MAN1A1: variants seen among roughly 807,000 people sequenced by gnomAD.
The protein encoded by MAN1A1 is mannosyl-oligosaccharide 1,2-alpha-mannosidase IA.
Under a neutral mutation model 70.8 loss-of-function variants are expected in MAN1A1, and 29 were observed. The ratio of observed to expected loss-of-function variants is 0.41; its 90% CI spans 0.31 to 0.56. The LOEUF is 0.56. Ranked by LOEUF, MAN1A1 falls within the 20% of genes least tolerant of loss-of-function variation. The pLI, the probability that MAN1A1 is intolerant of heterozygous loss-of-function variation, is 0.29. For synonymous variants in MAN1A1, 349 were observed against 330.1 expected (o/e 1.06, Z -0.62); for missense variants, 747 against 841.3 (o/e 0.89, Z 1.39).
At chr6:119,269,483 G>T in intron 5 of MAN1A1, 1 of 173,946 alleles carries the variant, frequency 5.7e-6, no homozygotes, top group South Asian at 1.2e-4. Flanking sequence ...CATGCCTCAA[G>T]CGGTCTGCCA....
intron 11 of MAN1A1, 41 bp downstream of exon 11, chr6:119,188,364 A>G (rs1415483066): frequency 6.5e-7 from 1 of 1,531,760 alleles, no homozygotes; most frequent in African/African-American, 1.4e-5. Context: ...ATTTTTTACT[A>G]TGAAATTTAT....
intron 5 of MAN1A1, among the ~76,000 whole-genome samples, chr6:119,265,470 A>C (rs1775727578): frequency 6.6e-6 from 1 of 152,154 alleles, no homozygotes; most frequent in Non-Finnish European, 1.5e-5. Context: ...ATATTTCTTG[A>C]TGTCTAAACA....
At chr6:119,350,339 G>T (rs1205844683), upstream of MAN1A1, among the ~76,000 whole-genome samples, 3 of 152,214 alleles carry the variant, frequency 2.0e-5, no homozygotes, top group Non-Finnish European at 4.4e-5. Context: ...CAAGTCCCTC[G>T]GTTAGGGGAG....
intron 2 of MAN1A1, among the ~76,000 whole-genome samples, chr6:119,319,211 A>AAATCAT (rs1312598541): frequency 8.6e-5 from 13 of 152,012 alleles, no homozygotes; most frequent in African/African-American, 3.1e-4. Flanking sequence ...TACCACCCTA[A>AAATCAT]AATCATATTT....
intron 2 of MAN1A1, among the ~76,000 whole-genome samples, chr6:119,318,309 A>G (rs1772909579): frequency 6.6e-6 from 1 of 152,104 alleles, no homozygotes; most frequent in African/African-American, 2.4e-5. Context: ...TAGTCTCCCC[A>G]GAGAGAGTCC....
chr6:119,246,016 A>G, intron 6 of MAN1A1, among the ~76,000 whole-genome samples: 1 of 152,206 alleles, frequency 6.6e-6, no homozygotes. Context: ...TCCATGGTAC[A>G]CTAAGGATAG....
intron 5 of MAN1A1, among the ~76,000 whole-genome samples, chr6:119,277,936 CAAA>C (rs58837799): frequency 2.2e-4 from 5 of 23,178 alleles, no homozygotes; most frequent in East Asian, 1.7e-3. Flanking sequence ...GACTCCATCT[CAAA>C]AAAAAAAAAA....
intron 8 of MAN1A1, among the ~76,000 whole-genome samples, chr6:119,195,825 T>A (rs1773555047): frequency 6.6e-6 from 1 of 152,254 alleles, no homozygotes; most frequent in Non-Finnish European, 1.5e-5. Context: ...AGAATTATAG[T>A]TTAAATTTTA....
intron 8 of MAN1A1, among the ~76,000 whole-genome samples, chr6:119,198,294 G>A (rs1208486237): frequency 6.6e-6 from 1 of 152,226 alleles, no homozygotes; most frequent in Non-Finnish European, 1.5e-5. Flanking sequence ...GGAGGCTGAG[G>A]CAGGAGAATT....
chr6:119,305,520 GA>G (rs138448861), intron 3 of MAN1A1, among the ~76,000 whole-genome samples: 17,370 of 152,054 alleles, frequency 0.11, 1,080 homozygotes, highest in Non-Finnish European at 0.14. Context: ...GAAGTGTCTG[GA>G]ATTACTTCTA....
chr6:119,179,642 A>G lies in MAN1A1; in HGVS notation c.*177T>C. The G allele has an allele frequency of 2.2e-6, 1 of 455,652 alleles. No individual in the cohort carries two copies. The highest frequency in any genetic ancestry group is 3.4e-5 in the South Asian group (1 of 29,528). The allele number at this position is 455,652 out of a possible 1,614,324, so 28.2% of individuals were successfully genotyped here. A position where few individuals can be genotyped will look rare whatever the true frequency, so the allele number is the denominator to read the frequency against. On this transcript the variant is annotated 3_prime_UTR_variant, in exon 13 of 13. Coordinates refer to ENST00000368468, the MANE Select transcript of MAN1A1 (RefSeq NM_005907.4). ...ACTGGCTGAATTAATAAAGGATATGATAAGGAATTTAGGTCCACCTATACC... is the reference window on the plus strand; with the variant it reads ...ACTGGCTGAATTAATAAAGGATATGGTAAGGAATTTAGGTCCACCTATACC...
At chr6:119,228,301 G>A (rs904083797) in intron 6 of MAN1A1, among the ~76,000 whole-genome samples, 1 of 152,180 alleles carries the variant, frequency 6.6e-6, no homozygotes, top group African/African-American at 2.4e-5. Flanking sequence ...GGTATTTCAT[G>A]TGTTTATAAT....
chr6:119,345,194 G>C (rs371830655), intron 2 of MAN1A1, among the ~76,000 whole-genome samples: 3,178 of 124,132 alleles, frequency 0.026, 131 homozygotes, highest in African/African-American at 0.091. Flanking sequence ...GAGGTTGAGG[G>C]GGGGGCGGAG....
chr6:119,325,515 G>A (rs544228071), intron 2 of MAN1A1, among the ~76,000 whole-genome samples: 1 of 152,138 alleles, frequency 6.6e-6, no homozygotes, highest in South Asian at 2.1e-4. Flanking sequence ...AAATTAGCCA[G>A]GTGTGGTGGC....
At chr6:119,241,412 A>G (rs1005372066) in intron 6 of MAN1A1, among the ~76,000 whole-genome samples, 1 of 152,168 alleles carries the variant, frequency 6.6e-6, no homozygotes, top group African/African-American at 2.4e-5. Context: ...TTCTTATTAC[A>G]GTGGTTCTCA....
intron 5 of MAN1A1, among the ~76,000 whole-genome samples, chr6:119,268,826 A>G (rs897863835): frequency 6.6e-6 from 1 of 152,060 alleles, no homozygotes; most frequent in Non-Finnish European, 1.5e-5. Flanking sequence ...GACTCAAGCG[A>G]TCTCTTGGCT....
At chr6:119,197,622 T>C in intron 8 of MAN1A1, among the ~76,000 whole-genome samples, 1 of 152,094 alleles carries the variant, frequency 6.6e-6, no homozygotes, top group African/African-American at 2.4e-5. Context: ...GAAATGGCAA[T>C]TGAGCTGGGT....
Position 119,179,697 on chromosome 6 carries a change from C to G in MAN1A1, c.*122G>C. ...ATAATAAACATAAAAGACTGCAAAA[C>G]AATTTAAGAACTTAATCACAGACCT... is the stretch of plus-strand genomic sequence containing the variant. On this transcript the variant is annotated 3_prime_UTR_variant, in exon 13 of 13. Coordinates refer to ENST00000368468, the MANE Select transcript of MAN1A1 (RefSeq NM_005907.4). The G allele has an allele frequency of 5.6e-6, 5 of 894,432 alleles. No homozygotes were observed. The highest frequency in any genetic ancestry group is 6.7e-6 in the Non-Finnish European group (4 of 596,276). The allele number at this position is 894,432 out of a possible 1,614,324, so 55.4% of individuals were successfully genotyped here.
chr6:119,201,239 A>C lies in MAN1A1; in HGVS notation c.1210+15T>G. The C allele has an allele frequency of 1.3e-6, 2 of 1,583,532 alleles. No individual in the cohort carries two copies. Among genetic ancestry groups the C allele is most frequent in the Non-Finnish European group, 1.7e-6 (2 of 1,152,444 alleles). ...TACCAAAAAGAGCTATAATAATGCA[A>C]ATCTTCTGACTTACGTTGACCCCAC... On this transcript the variant is annotated intron_variant, in intron 8 of 12. Transcript: ENST00000368468.
Sources: allele counts gnomAD v4.1 joint callset (sites outside exome capture counted in the v4.1 genomes callset), GRCh38; gene constraint gnomAD v4.1.1; transcripts MANE v1.5; gene names NCBI Gene and HGNC (gene_info 2026-07-23, HGNC 2026-07-21).